PTPRD: variants seen among roughly 807,000 people sequenced by gnomAD.
The protein encoded by PTPRD is receptor-type tyrosine-protein phosphatase delta.
Under a neutral mutation model 214.5 loss-of-function variants are expected in PTPRD, and 34 were observed. The ratio of observed to expected loss-of-function variants is 0.16; its 90% CI spans 0.12 to 0.21. The LOEUF (loss-of-function observed/expected upper bound fraction) is 0.21, where lower values mean the gene tolerates loss of function less well. PTPRD is among the 10% of genes least tolerant of loss of function. PTPRD has a pLI of 1.00. For synonymous variants in PTPRD, 1,128 were observed against 845.7 expected, an observed-to-expected ratio of 1.33 and a Z score of -5.79; for missense variants, 2,545 against 2,398.7, an observed-to-expected ratio of 1.06 and a Z score of -1.27.
At chr9:8,871,002 A>G (rs1351593258) in intron 11 of PTPRD, among the ~76,000 whole-genome samples, 1 of 152,192 alleles carries the variant, frequency 6.6e-6, no homozygotes, top group Non-Finnish European at 1.5e-5. Context: ...ATCCCGTTTG[A>G]GACCACTAGG....
At chr9:8,851,957 C>G (rs2097824940) in intron 11 of PTPRD, among the ~76,000 whole-genome samples, 1 of 152,054 alleles carries the variant, frequency 6.6e-6, no homozygotes, top group African/African-American at 2.4e-5. Flanking sequence ...TACATGCACG[C>G]ATGGTTAAAT....
chr9:10,335,409 T>A (rs987216197), intron 3 of PTPRD, among the ~76,000 whole-genome samples: 5 of 151,638 alleles, frequency 3.3e-5, no homozygotes, highest in Non-Finnish European at 7.4e-5. Context: ...AAAAAATGAA[T>A]CTACTCACAA....
At chr9:8,781,170 G>A (rs1384953052) in intron 11 of PTPRD, among the ~76,000 whole-genome samples, 3 of 152,082 alleles carry the variant, frequency 2.0e-5, no homozygotes, top group Admixed American at 6.6e-5. Context: ...ACCACTTCAA[G>A]ACTGAAGGAA....
intron 10 of PTPRD, among the ~76,000 whole-genome samples, chr9:9,124,120 T>C (rs192314460): frequency 1.1e-3 from 171 of 152,274 alleles, no homozygotes; most frequent in African/African-American, 4.1e-3. Flanking sequence ...TACATATCTG[T>C]GTAAGGAAAC....
chr9:9,966,767 G>C (rs1024330431), intron 4 of PTPRD, among the ~76,000 whole-genome samples: 7 of 152,076 alleles, frequency 4.6e-5, no homozygotes, highest in African/African-American at 1.4e-4. Context: ...GGAGACAGGA[G>C]GAAGATTAAC....
chr9:9,708,321 T>C (rs776471003), intron 7 of PTPRD, among the ~76,000 whole-genome samples: 1 of 152,068 alleles, frequency 6.6e-6, no homozygotes, highest in South Asian at 2.1e-4. Flanking sequence ...TCTTCCCTCA[T>C]ACTTTTGCTG....
In PTPRD at chr9:9,402,333, T is replaced by C. The variant is rs111863491; in HGVS notation, c.-236-4851A>G. Among the ~76,000 whole-genome samples, 897 of 152,242 alleles carry C rather than the reference T, an allele frequency of 5.9e-3. 7 individuals carry two copies. The highest frequency in any genetic ancestry group is 0.02 in the African/African-American group (816 of 41,562). On this transcript the variant is annotated intron_variant, in intron 8 of 45. Coordinates refer to ENST00000381196, the MANE Select transcript of PTPRD (RefSeq NM_002839.4). Reference sequence around the variant, plus strand: ...TCTTAAAGAAGAGCCTTGGGATCTCTAGGAGAAGTGATAAAAAGTCTCTCC... The same window carrying C: ...TCTTAAAGAAGAGCCTTGGGATCTCCAGGAGAAGTGATAAAAAGTCTCTCC...
intron 7 of PTPRD, among the ~76,000 whole-genome samples, chr9:9,645,369 C>T (rs1390021220): frequency 6.6e-6 from 1 of 151,564 alleles, no homozygotes; most frequent in African/African-American, 2.4e-5. Flanking sequence ...ATTAAACTCC[C>T]AATTTTTTTG....
At chr9:8,660,091 GT>G (rs2097006085) in intron 12 of PTPRD, among the ~76,000 whole-genome samples, 1 of 152,084 alleles carries the variant, frequency 6.6e-6, no homozygotes, top group South Asian at 2.1e-4. Context: ...AATTGCAAAT[GT>G]GTTTTTCAGA....
intron 5 of PTPRD, among the ~76,000 whole-genome samples, chr9:9,771,515 T>C (rs934204826): frequency 1.3e-5 from 2 of 152,204 alleles, no homozygotes; most frequent in African/African-American, 2.4e-5. Flanking sequence ...AGTTGTATCA[T>C]TGTTTCCCTG....
intron 12 of PTPRD, among the ~76,000 whole-genome samples, chr9:8,664,474 G>A (rs995055448): frequency 2.0e-5 from 3 of 152,096 alleles, no homozygotes; most frequent in Non-Finnish European, 2.9e-5. Flanking sequence ...ACCCATCCCT[G>A]ATATCAAACT....
At chr9:10,503,703 T>A (rs988482519) in intron 2 of PTPRD, among the ~76,000 whole-genome samples, 1 of 151,948 alleles carries the variant, frequency 6.6e-6, no homozygotes, top group African/African-American at 2.4e-5. Flanking sequence ...GTAGGCCAGA[T>A]TAAAGATAAA....
intron 4 of PTPRD, among the ~76,000 whole-genome samples, chr9:9,988,753 T>C (rs1163477509): frequency 6.6e-6 from 1 of 151,948 alleles, no homozygotes; most frequent in African/African-American, 2.4e-5. Flanking sequence ...AAAAGTGTAT[T>C]AAGTAATTTT....
chr9:10,077,366 C>A lies in PTPRD; in HGVS notation c.-544-43576G>T, dbSNP rs2098148990. Among the ~76,000 whole-genome samples the A allele has an allele frequency of 2.0e-5, 3 of 152,120 alleles. No individual in the cohort carries two copies. The South Asian group carries it at 6.2e-4, about 31-fold the overall frequency. On this transcript the variant is annotated intron_variant, in intron 3 of 45. Coordinates refer to ENST00000381196, the MANE Select transcript of PTPRD (RefSeq NM_002839.4). ...TTCCTAACTTGTGGTTCTCAAAATT[C>A]ATTTGCTTAAGATTCACTTGTGAAG...
intron 2 of PTPRD, among the ~76,000 whole-genome samples, chr9:10,365,864 T>A (rs528880091): frequency 6.6e-6 from 1 of 152,192 alleles, no homozygotes; most frequent in Non-Finnish European, 1.5e-5. Context: ...TGGAAAATAT[T>A]TGTAGAAAGC....
Position 8,316,331 on chromosome 9 carries a change from A to G in PTPRD, c.*1543T>C, listed in dbSNP as rs1201878174. On this transcript the variant is annotated 3_prime_UTR_variant, in exon 46 of 46. Transcript: ENST00000381196. ...AAAAAGAAATGCTATTAAAATAGGC[A>G]TCAATTATAAGGCACTCTAAATGCA... The G allele has an allele frequency of 4.3e-6, 1 of 231,610 alleles. No homozygotes were observed. The highest frequency in any genetic ancestry group is 2.2e-5 in the African/African-American group (1 of 45,220). 14.3% of individuals were successfully genotyped at this position (231,610 alleles called of 1,614,324 possible). A position where few individuals can be genotyped will look rare whatever the true frequency, so the allele number is the denominator to read the frequency against.
At chr9:9,768,618 C>T (rs1327262489) in intron 5 of PTPRD, among the ~76,000 whole-genome samples, 1 of 151,996 alleles carries the variant, frequency 6.6e-6, no homozygotes, top group African/African-American at 2.4e-5. Context: ...TAAATTCTTC[C>T]TAATAGCTAT....
chr9:9,030,664 T>C (rs897734200), intron 10 of PTPRD, among the ~76,000 whole-genome samples: 2 of 151,942 alleles, frequency 1.3e-5, no homozygotes, highest in African/African-American at 2.4e-5. Flanking sequence ...TATGTCATCA[T>C]TGTTTTTTTT....
At chr9:10,585,485 T>A (rs1394236437) in intron 2 of PTPRD, among the ~76,000 whole-genome samples, 3 of 152,110 alleles carry the variant, frequency 2.0e-5, no homozygotes, top group African/African-American at 7.2e-5. Flanking sequence ...CCAGAAAGCT[T>A]TTAGAAAATG....
Sources: allele counts gnomAD v4.1 joint callset (sites outside exome capture counted in the v4.1 genomes callset), GRCh38; gene constraint gnomAD v4.1.1; transcripts MANE v1.5; gene names NCBI Gene and HGNC (gene_info 2026-07-23, HGNC 2026-07-21).